SLC5A9: variants seen among roughly 807,000 people sequenced by gnomAD.
SLC5A9 encodes solute carrier family 5 member 9, also known as sodium/glucose cotransporter 4.
In SLC5A9, 59 loss-of-function variants were observed where a neutral mutation model predicts 70.9. That is an observed-to-expected ratio of 0.83 (90% CI 0.68 to 1.03). The LOEUF (loss-of-function observed/expected upper bound fraction) is 1.03. Among genes scored for constraint, SLC5A9 ranks in the 50% least tolerant of loss-of-function variants. The pLI is 0.00. For missense variants in SLC5A9, 832 were observed against 881.1 expected (o/e 0.94, Z 0.71); for synonymous variants, 340 against 346.5 (o/e 0.98, Z 0.21).
At position 48,247,357 on chromosome 1, in the gene SLC5A9, G is replaced by C. The variant is rs574215071; in HGVS notation, c.1860G>C (p.Lys620Asn). The C allele has an allele frequency of 1.6e-5, 26 of 1,614,060 alleles. No individual in the cohort carries two copies. The Admixed American group carries it at 3.3e-4, about 21-fold the overall frequency. ...QPEAPSRSWGKLLWSWFCGLS... is the reference protein window; with the variant it reads ...QPEAPSRSWGNLLWSWFCGLS... ...CAGCCCCAAGCAGGTCCTGGGGAAAGTTGCTCTGGAGCTGGTTCTGTGGGC... is the reference window on the plus strand; with the variant it reads ...CAGCCCCAAGCAGGTCCTGGGGAAACTTGCTCTGGAGCTGGTTCTGTGGGC... Residue 620 changes from lysine (K) to asparagine (N), a missense_variant, in exon 14 of 14, where the codon AAG (lysine) becomes AAC (asparagine). By Grantham distance (94) the Lys-to-Asn change is moderately conservative (BLOSUM62 0). Coordinates refer to ENST00000438567, the MANE Select transcript of SLC5A9 (RefSeq NM_001011547.3).
intron 2 of SLC5A9, 140 bp downstream of exon 2, chr1:48,224,935 TTC>T: frequency 1.2e-6 from 1 of 847,732 alleles, no homozygotes; most frequent in South Asian, 1.6e-5. Context: ...TCTGGGCCCC[TTC>T]TCTCCCGCCC....
Position 48,229,477 on chromosome 1 carries a change from G to A in SLC5A9, c.504+18G>A. ...AGATCTCGGTAGGTGTCACTGCAATGTGGTCACTGTGTCTGGAAATGCTAA... is the reference window on the plus strand; with the variant it reads ...AGATCTCGGTAGGTGTCACTGCAATATGGTCACTGTGTCTGGAAATGCTAA... On this transcript the variant is annotated intron_variant, in intron 4 of 13. Transcript: ENST00000438567. The A allele has an allele frequency of 6.2e-7, 1 of 1,612,386 alleles. No homozygotes were observed.
At chr1:48,238,196 C>A (rs1357838185) in intron 11 of SLC5A9, among the ~76,000 whole-genome samples, 1 of 152,080 alleles carries the variant, frequency 6.6e-6, no homozygotes, top group Non-Finnish European at 1.5e-5. Flanking sequence ...GGTAAGACTT[C>A]CTGGATGAAG....
At chr1:48,233,788 C>G (rs759472113) in intron 9 of SLC5A9, 26 bp downstream of exon 9, 1 of 1,524,822 alleles carries the variant, frequency 6.6e-7, no homozygotes, top group Admixed American at 1.7e-5. Context: ...CCACCCCACC[C>G]TGCACTCTCA....
At chr1:48,227,330 ATG>A (rs149971450) in intron 2 of SLC5A9, among the ~76,000 whole-genome samples, 3,348 of 97,874 alleles carry the variant, frequency 0.034, 145 homozygotes, top group Non-Finnish European at 0.047. Flanking sequence ...GCGTGAGTGC[ATG>A]TGTGTGTCAG....
chr1:48,247,803 A>AAC lies in SLC5A9; in HGVS notation c.*260_*261insAC. ...CCCACTCTTTCTGATATATTGCCTT[A>AAC]CAGACCTACCTCAAACACACTGTTT... On this transcript the variant is annotated 3_prime_UTR_variant, in exon 14 of 14. Coordinates refer to ENST00000438567, the MANE Select transcript of SLC5A9 (RefSeq NM_001011547.3). 1 of 538,126 alleles carries AAC rather than the reference A, an allele frequency of 1.9e-6. No individual in the cohort carries two copies. Among genetic ancestry groups the AAC allele is most frequent in the Non-Finnish European group, 3.3e-6 (1 of 298,640 alleles). 33.3% of individuals were successfully genotyped at this position (538,126 alleles called of 1,614,324 possible).
At position 48,247,774 on chromosome 1, in the gene SLC5A9, T is replaced by C; in HGVS notation, c.*231T>C. The C allele has an allele frequency of 1.7e-6, 1 of 576,764 alleles. No individual in the cohort carries two copies. The highest frequency in any genetic ancestry group is 3.1e-6 in the Non-Finnish European group (1 of 322,748). 35.7% of individuals were successfully genotyped at this position (576,764 alleles called of 1,614,324 possible). Reference sequence around the variant, plus strand: ...ACCACCCAGAAGGTGTCACACGGGGTTTCCCCACTCTTTCTGATATATTGC... The same window carrying C: ...ACCACCCAGAAGGTGTCACACGGGGCTTCCCCACTCTTTCTGATATATTGC... On this transcript the variant is annotated 3_prime_UTR_variant, in exon 14 of 14. Coordinates refer to ENST00000438567, the MANE Select transcript of SLC5A9 (RefSeq NM_001011547.3).
intron 13 of SLC5A9, among the ~76,000 whole-genome samples, chr1:48,246,810 A>C (rs1217738337): frequency 2.0e-5 from 3 of 152,126 alleles, no homozygotes; most frequent in African/African-American, 7.2e-5. Context: ...GACAGAAAGA[A>C]CCTCCAGCTC....
chr1:48,242,058 T>G (rs1296705707), intron 12 of SLC5A9: 1 of 459,568 alleles, frequency 2.2e-6, no homozygotes, highest in African/African-American at 2.0e-5. Flanking sequence ...CTGCTTAAAG[T>G]CTGCAGTGAC....
Position 48,248,632 on chromosome 1 carries a change from G to C in SLC5A9, c.*1089G>C, listed in dbSNP as rs1194669079. 6 of 152,260 alleles carry C rather than the reference G, an allele frequency of 3.9e-5. No homozygotes were observed. Among genetic ancestry groups the C allele is most frequent in the Admixed American group, 3.9e-4 (6 of 15,280 alleles). 9.4% of individuals were successfully genotyped at this position (152,260 alleles called of 1,614,324 possible). A position where few individuals can be genotyped will look rare whatever the true frequency, so the allele number is the denominator to read the frequency against. ...AACAGCTGTTCAATAAATGTGTATT[G>C]AGTTAATTAGTTCTCCATGGTCCTG... is the stretch of plus-strand genomic sequence containing the variant. On this transcript the variant is annotated 3_prime_UTR_variant, in exon 14 of 14. Coordinates refer to ENST00000438567, the MANE Select transcript of SLC5A9 (RefSeq NM_001011547.3).
intron 8 of SLC5A9, among the ~76,000 whole-genome samples, chr1:48,233,204 T>C (rs1029446171): frequency 3.3e-5 from 5 of 151,390 alleles, no homozygotes; most frequent in African/African-American, 1.2e-4. Context: ...CTACTAAAAA[T>C]ACAAAAATTA....
rs1396852870 is a variant in SLC5A9 at position 48,239,317 on chromosome 1, C to T, written c.1462-5C>T. The T allele has an allele frequency of 6.2e-7, 1 of 1,605,778 alleles. No homozygotes were observed. The highest frequency in any genetic ancestry group is 1.7e-5 in the Admixed American group (1 of 59,740). ...ACCTCAGCTCTTGTCTGCCCTCTCT[C>T]ACAGGGAGCTTTCTGGGGCCTCGTG... On this transcript the variant is annotated splice_region_variant and splice_polypyrimidine_tract_variant and intron_variant, in intron 11 of 13. Coordinates refer to ENST00000438567, the MANE Select transcript of SLC5A9 (RefSeq NM_001011547.3). The surrounding 1 kb of genome is among the most constrained non-coding windows in gnomAD (Gnocchi z 4.2).
chr1:48,229,744 T>G (rs1307813116), intron 4 of SLC5A9, among the ~76,000 whole-genome samples: 1 of 152,228 alleles, frequency 6.6e-6, no homozygotes, highest in Non-Finnish European at 1.5e-5. Context: ...TCATCAACTG[T>G]ACATTAGTTG....
At position 48,231,598 on chromosome 1, in the gene SLC5A9, GGGGGA is replaced by G; in HGVS notation, c.666_670del (p.Gly223ProfsTer27). On this transcript the variant is annotated frameshift_variant, in exon 6 of 14. Transcript: ENST00000438567. LOFTEE classifies it high-confidence loss of function. ...TGCTCTGCAGACGGTGATCATGGTA[GGGGGA>G]GCCCTGGTCCTCATGTTTCTGGGTA... 1.9e-6 allele frequency: 3 copies of G among 1,614,142 alleles called. No homozygotes were observed. Among genetic ancestry groups the G allele is most frequent in the Non-Finnish European group, 2.5e-6 (3 of 1,179,994 alleles).
At chr1:48,230,056 A>G (rs1035744364) in intron 4 of SLC5A9, among the ~76,000 whole-genome samples, 3 of 152,236 alleles carry the variant, frequency 2.0e-5, no homozygotes, top group Non-Finnish European at 2.9e-5. Context: ...TGTTCCACCA[A>G]TATTTGAGAA....
chr1:48,238,886 T>A (rs1475509745), intron 11 of SLC5A9, among the ~76,000 whole-genome samples: 1 of 152,248 alleles, frequency 6.6e-6, no homozygotes, highest in Non-Finnish European at 1.5e-5. Context: ...TCTATTCTGA[T>A]TTCTGATTTA....
At chr1:48,244,691 A>G (rs1031643160) in intron 13 of SLC5A9, among the ~76,000 whole-genome samples, 1 of 141,084 alleles carries the variant, frequency 7.1e-6, no homozygotes, top group Non-Finnish European at 1.5e-5. Flanking sequence ...CAATTACTTC[A>G]TGGTATATTT....
rs1429711234 is a variant in SLC5A9, at chr1:48,247,403, G to T, written c.1906G>T (p.Ala636Ser). The T allele has an allele frequency of 1.2e-6, 2 of 1,614,014 alleles. No homozygotes were observed. Among genetic ancestry groups the T allele is most frequent in the Non-Finnish European group, 1.7e-6 (2 of 1,180,038 alleles). The change falls in exon 14 of 14, where the codon GCC becomes TCC. Residue 636 changes from alanine (A) to serine (S), a missense_variant. Coordinates refer to ENST00000438567, the MANE Select transcript of SLC5A9 (RefSeq NM_001011547.3). The stretch of plus-strand genomic sequence containing the variant: ...TGGGCTCTCTGGAACACCGGAGCAG[G>T]CCCTGAGCCCAGCAGAGAAGGCTGC... ...FCGLSGTPEQ[A>S]LSPAEKAALE...
chr1:48,236,697 A>C (rs1350433802), intron 10 of SLC5A9, among the ~76,000 whole-genome samples: 1 of 152,294 alleles, frequency 6.6e-6, no homozygotes, highest in Non-Finnish European at 1.5e-5. Context: ...TTGCTCTTTC[A>C]CATCTCCCTG....
Sources: gnomAD v4.1 joint callset for allele counts (sites outside exome capture counted in the v4.1 genomes callset) on GRCh38, gnomAD v4.1.1 for gene constraint, Gnocchi (gnomAD v3.1) non-coding constraint, MANE v1.5 for transcripts, NCBI Gene and HGNC (gene_info 2026-07-23, HGNC 2026-07-21) for gene names.